The following TENT2 variants were observed in gnomAD, a reference collection of about 807,000 sequenced individuals.
TENT2 encodes terminal nucleotidyltransferase 2.
In TENT2, 44 loss-of-function variants were observed where a neutral mutation model predicts 72.2. The ratio of observed to expected loss-of-function variants is 0.61; its 90% confidence interval spans 0.48 to 0.78. The LOEUF (loss-of-function observed/expected upper bound fraction) is 0.78, where lower values mean the gene tolerates loss of function less well. TENT2 is among the 30% of genes least tolerant of loss of function. TENT2 has a pLI of 0.00. For missense variants in TENT2, 541 were observed against 569.6 expected (o/e 0.95, Z 0.51); for synonymous variants, 212 against 192.5 (o/e 1.10, Z -0.84).
At chr5:79,639,381 C>T (rs1580354705) in intron 4 of TENT2, among the ~76,000 whole-genome samples, 1 of 151,864 alleles carries the variant, frequency 6.6e-6, no homozygotes, top group South Asian at 2.1e-4. Context: ...AAGGGCCAAC[C>T]TAAGACTATA....
chr5:79,648,600 TA>T lies in TENT2; in HGVS notation c.822-16del. On this transcript the variant is annotated splice_polypyrimidine_tract_variant and intron_variant, in intron 8 of 14. Transcript: ENST00000453514. ...TTCAGCTAAAGTTTATTTATTTATT[TA>T]TTTTTTCTTAAATAGTTGTGTGGAG... 1 of 1,483,452 alleles carries T rather than the reference TA, an allele frequency of 6.7e-7. No individual in the cohort carries two copies. The highest frequency in any genetic ancestry group is 9.1e-7 in the Non-Finnish European group (1 of 1,093,178). 91.9% of individuals were successfully genotyped at this position (1,483,452 alleles called of 1,614,324 possible). A position where few individuals can be genotyped will look rare whatever the true frequency, so the allele number is the denominator to read the frequency against.
chr5:79,623,388 C>T lies in TENT2; in HGVS notation c.364C>T (p.His122Tyr), dbSNP rs754378350. Residue 122 changes from histidine (H) to tyrosine (Y), a missense_variant, in exon 4 of 15, where the codon CAT (histidine) becomes TAT (tyrosine). Coordinates refer to ENST00000453514, the MANE Select transcript of TENT2 (RefSeq NM_001114394.3). ...AAGATACTCAATGCCACCATTGTTT[C>T]ATACACATTATGTACCAGATATAGT... The part of the protein sequence containing the change: ...ERRYSMPPLF[H>Y]THYVPDIVRC... 6.8e-6 allele frequency: 11 copies of T among 1,613,428 alleles called. No individual in the cohort carries two copies. Among genetic ancestry groups the T allele is most frequent in the African/African-American group, 1.3e-5 (1 of 74,992 alleles).
At chr5:79,642,626 T>G (rs1303918053) in intron 6 of TENT2, among the ~76,000 whole-genome samples, 1 of 152,110 alleles carries the variant, frequency 6.6e-6, no homozygotes, top group Non-Finnish European at 1.5e-5. Context: ...AGGAATTGAT[T>G]TAGAAATGTA....
chr5:79,638,980 G>A (rs1415374933), intron 4 of TENT2, among the ~76,000 whole-genome samples: 2 of 152,284 alleles, frequency 1.3e-5, no homozygotes, highest in South Asian at 2.1e-4. Context: ...TGATACTTTT[G>A]CCTCATTATG....
At chr5:79,614,521 T>C (rs887835842) in intron 1 of TENT2, among the ~76,000 whole-genome samples, 10 of 152,228 alleles carry the variant, frequency 6.6e-5, no homozygotes, top group Non-Finnish European at 1.2e-4. Flanking sequence ...GTATACTCTT[T>C]CATGGTCAAG....
intron 7 of TENT2, among the ~76,000 whole-genome samples, chr5:79,643,836 TAAGGA>T (rs1561511399): frequency 6.6e-6 from 1 of 152,134 alleles, no homozygotes; most frequent in East Asian, 1.9e-4. Context: ...TTTTAATAGT[TAAGGA>T]AACTGGTGAT....
At chr5:79,626,245 G>A (rs1234646208) in intron 4 of TENT2, among the ~76,000 whole-genome samples, 2 of 151,660 alleles carry the variant, frequency 1.3e-5, no homozygotes, top group African/African-American at 4.8e-5. Context: ...AAGTGATTCT[G>A]CTGTCTCAGC....
intron 1 of TENT2, among the ~76,000 whole-genome samples, chr5:79,616,396 T>C (rs1169462348): frequency 6.6e-6 from 1 of 152,124 alleles, no homozygotes; most frequent in Non-Finnish European, 1.5e-5. Context: ...GATTTCACCA[T>C]GTTAGTCAGG....
chr5:79,626,582 C>T (rs1770134753), intron 4 of TENT2, among the ~76,000 whole-genome samples: 1 of 151,392 alleles, frequency 6.6e-6, no homozygotes, highest in Non-Finnish European at 1.5e-5. Context: ...GCTGGAATTA[C>T]AGGCGTGAAC....
intron 4 of TENT2, among the ~76,000 whole-genome samples, chr5:79,627,078 C>T (rs868164366): frequency 1.3e-5 from 2 of 149,038 alleles, no homozygotes; most frequent in South Asian, 2.1e-4. Context: ...TACAGTGAGC[C>T]GAGATCATGC....
intron 11 of TENT2, chr5:79,668,596 T>G: frequency 4.4e-6 from 1 of 225,048 alleles, no homozygotes; most frequent in Admixed American, 5.3e-5. Context: ...GATCTTGGTT[T>G]GTATAGTAAG....
intron 11 of TENT2, among the ~76,000 whole-genome samples, chr5:79,663,256 G>A (rs114916380): frequency 0.018 from 2,759 of 152,268 alleles, 92 homozygotes; most frequent in African/African-American, 0.061. Context: ...CAGCAATAAG[G>A]CTGTTTTGCT....
At position 79,685,452 on chromosome 5, in the gene TENT2, T is replaced by C. The variant is rs1825753868; in HGVS notation, c.*179T>C. The C allele has an allele frequency of 2.3e-6, 1 of 432,660 alleles. No homozygotes were observed. The highest frequency in any genetic ancestry group is 4.0e-6 in the Non-Finnish European group (1 of 250,284). The allele number at this position is 432,660 out of a possible 1,614,324, so 26.8% of individuals were successfully genotyped here. ...TATGACATTTCCTAATAAACCCCTT[T>C]GATTTAAAAATGTATTTTTAAAAAT... On this transcript the variant is annotated 3_prime_UTR_variant, in exon 15 of 15. Transcript: ENST00000453514.
At chr5:79,683,681 C>T (rs1014169443) in intron 14 of TENT2, among the ~76,000 whole-genome samples, 4 of 151,540 alleles carry the variant, frequency 2.6e-5, no homozygotes, top group Admixed American at 1.3e-4. Flanking sequence ...TTTGGGAGGC[C>T]GAGGCGGGCG....
At chr5:79,648,960 G>A (rs548068581) in intron 9 of TENT2, 102 bp from the exon 10 acceptor site, 1 of 1,276,358 alleles carries the variant, frequency 7.8e-7, no homozygotes, top group South Asian at 1.4e-5. Context: ...TAATATACAC[G>A]GAGACAGTGT....
chr5:79,646,241 T>C (rs1392530813), intron 8 of TENT2, among the ~76,000 whole-genome samples: 1 of 152,174 alleles, frequency 6.6e-6, no homozygotes, highest in Non-Finnish European at 1.5e-5. Context: ...TAGGTAGGCT[T>C]CGCTCAGGCA....
chr5:79,684,547 T>C (rs1302277478), intron 14 of TENT2, among the ~76,000 whole-genome samples: 1 of 152,202 alleles, frequency 6.6e-6, no homozygotes, highest in Non-Finnish European at 1.5e-5. Context: ...TGAGACACTA[T>C]ACCCAGTCTC....
intron 4 of TENT2, among the ~76,000 whole-genome samples, chr5:79,630,499 C>G (rs1263590083): frequency 6.6e-6 from 1 of 152,118 alleles, no homozygotes; most frequent in Non-Finnish European, 1.5e-5. Flanking sequence ...ATTGCTTGAA[C>G]CCAGGAGGTG....
chr5:79,652,254 T>C (rs1794730549), intron 10 of TENT2, among the ~76,000 whole-genome samples: 1 of 151,306 alleles, frequency 6.6e-6, no homozygotes, highest in South Asian at 2.1e-4. Context: ...TTAAATTAAT[T>C]ACGATATACC....
Sources: allele counts gnomAD v4.1 joint callset (sites outside exome capture counted in the v4.1 genomes callset), GRCh38; gene constraint gnomAD v4.1.1; transcripts MANE v1.5; gene names NCBI Gene and HGNC (gene_info 2026-07-23, HGNC 2026-07-21).